Variants in ATXN2 observed in about 807,000 individuals in gnomAD.
ATXN2 encodes the protein ataxin-2.
In ATXN2, 37 loss-of-function variants were observed where a neutral mutation model predicts 138.6. The ratio of observed to expected loss-of-function variants is 0.27; its 90% CI spans 0.21 to 0.35. The LOEUF is 0.35. Ranked by LOEUF, ATXN2 falls within the 10% of genes least tolerant of loss-of-function variation. The probability of loss-of-function intolerance (pLI) is 1.00; values close to 1 mark genes in which losing one functional copy is unlikely to be tolerated. For missense variants in ATXN2, 1,216 were observed against 1,480.3 expected, an observed-to-expected ratio of 0.82 and a Z score of 2.93; for synonymous variants, 549 against 543.7, an observed-to-expected ratio of 1.01 and a Z score of -0.13.
At chr12:111,494,302 G>T (rs972573968) in intron 14 of ATXN2, among the ~76,000 whole-genome samples, 18 of 152,160 alleles carry the variant, frequency 1.2e-4, no homozygotes, top group African/African-American at 3.9e-4. Flanking sequence ...AAAGCGGGCA[G>T]ATGAAGTGTA....
At chr12:111,505,032 T>C (rs1412977470) in intron 14 of ATXN2, among the ~76,000 whole-genome samples, 1 of 152,142 alleles carries the variant, frequency 6.6e-6, no homozygotes, top group East Asian at 1.9e-4. Context: ...GAGACCAGCC[T>C]GGGCAACATG....
At chr12:111,519,678 C>T (rs1880049590) in intron 8 of ATXN2, among the ~76,000 whole-genome samples, 2 of 152,180 alleles carry the variant, frequency 1.3e-5, no homozygotes, top group Non-Finnish European at 2.9e-5. Context: ...TATACCAACA[C>T]TTGGCTCCAC....
At chr12:111,567,261 C>A (rs1038238751) in intron 1 of ATXN2, among the ~76,000 whole-genome samples, 10 of 151,698 alleles carry the variant, frequency 6.6e-5, no homozygotes, top group African/African-American at 1.7e-4. Flanking sequence ...CAGCACTTTG[C>A]GAAGTTGAGG....
At chr12:111,594,858 A>C (rs935157263) in intron 1 of ATXN2, among the ~76,000 whole-genome samples, 18 of 152,198 alleles carry the variant, frequency 1.2e-4, no homozygotes, top group African/African-American at 4.3e-4. Flanking sequence ...CAGGAATTTC[A>C]TTCCTGCACT....
At chr12:111,489,498 T>A (rs1439430925) in intron 14 of ATXN2, among the ~76,000 whole-genome samples, 2 of 151,614 alleles carry the variant, frequency 1.3e-5, no homozygotes, top group African/African-American at 4.8e-5. Context: ...CTATAGTCCC[T>A]GCTACTCGGG....
At chr12:111,541,230 T>A (rs1881482132) in intron 5 of ATXN2, among the ~76,000 whole-genome samples, 1 of 150,218 alleles carries the variant, frequency 6.7e-6, no homozygotes, top group South Asian at 2.1e-4. Context: ...CCAGAATCAT[T>A]TACTGAATAA....
rs1874749291 is a variant in ATXN2 at position 111,452,743 on chromosome 12, G to A, written c.*69C>T. On this transcript the variant is annotated 3_prime_UTR_variant, in exon 25 of 25. Transcript: ENST00000673436. ...AAAATAAATGAAATTCTAGTTTTCT[G>A]TGCTTCCAGTTGGTAGAAGCAGTAG... The A allele has an allele frequency of 1.4e-6, 2 of 1,454,476 alleles. No homozygotes were observed. Among genetic ancestry groups the A allele is most frequent in the Non-Finnish European group, 1.9e-6 (2 of 1,035,662 alleles). 90.1% of individuals were successfully genotyped at this position (1,454,476 alleles called of 1,614,324 possible).
chr12:111,596,990 C>T (rs949130905), intron 1 of ATXN2, among the ~76,000 whole-genome samples: 1 of 152,118 alleles, frequency 6.6e-6, no homozygotes, highest in African/African-American at 2.4e-5. Flanking sequence ...AAAGTAAAAA[C>T]AGAATACATC....
intron 5 of ATXN2, among the ~76,000 whole-genome samples, chr12:111,535,211 G>A (rs1316746386): frequency 1.3e-5 from 2 of 152,192 alleles, no homozygotes; most frequent in Non-Finnish European, 2.9e-5. Context: ...AAACCACAAT[G>A]AGCAGGGAAG....
chr12:111,554,230 A>G lies in ATXN2; in HGVS notation c.289-13T>C. 1 of 1,368,136 alleles carries G rather than the reference A, an allele frequency of 7.3e-7. No homozygotes were observed. The highest frequency in any genetic ancestry group is 9.7e-7 in the Non-Finnish European group (1 of 1,028,948). 84.7% of individuals were successfully genotyped at this position (1,368,136 alleles called of 1,614,324 possible). A position where few individuals can be genotyped will look rare whatever the true frequency, so the allele number is the denominator to read the frequency against. On this transcript the variant is annotated splice_polypyrimidine_tract_variant and intron_variant, in intron 2 of 24. Coordinates refer to ENST00000673436, the MANE Select transcript of ATXN2 (RefSeq NM_001372574.1). ...CATCAAAAGAAATCTGGAATATTAA[A>G]AAAAAAAAAAACTATTAGAAATTAG...
chr12:111,581,437 T>C (rs1422603093), intron 1 of ATXN2: 11 of 781,314 alleles, frequency 1.4e-5, no homozygotes, highest in Non-Finnish European at 6.9e-6. Context: ...CCCCTAACTA[T>C]GAGATGCTCA....
intron 1 of ATXN2, among the ~76,000 whole-genome samples, chr12:111,573,022 T>A (rs1392714315): frequency 2.0e-5 from 3 of 151,954 alleles, no homozygotes; most frequent in African/African-American, 7.3e-5. Flanking sequence ...TCATTTATGA[T>A]GTTGTTTCCA....
chr12:111,512,720 T>G (rs1161793786), intron 11 of ATXN2: 1 of 152,300 alleles, frequency 6.6e-6, no homozygotes, highest in Non-Finnish European at 1.5e-5. Context: ...CCTCCCAAAG[T>G]GCTGGGATTA....
Position 111,552,998 on chromosome 12 carries a change from T to C in ATXN2, c.349-21A>G, listed in dbSNP as rs772928717. Reference sequence around the variant, plus strand: ...GAGCCCTAAAAACATATAATTTATTTATCAAAGAAACAGTATACTACCCGG... The same window carrying C: ...GAGCCCTAAAAACATATAATTTATTCATCAAAGAAACAGTATACTACCCGG... On this transcript the variant is annotated intron_variant, in intron 3 of 24. Transcript: ENST00000673436. The surrounding 1 kb of genome is among the most constrained non-coding windows in gnomAD (Gnocchi z 4.1). The C allele has an allele frequency of 6.7e-7, 1 of 1,490,026 alleles. No individual in the cohort carries two copies. The highest frequency in any genetic ancestry group is 2.3e-5 in the Admixed American group (1 of 43,050). The allele number at this position is 1,490,026 out of a possible 1,614,324, so 92.3% of individuals were successfully genotyped here.
At chr12:111,533,849 ATGGT>A (rs1242566522) in intron 5 of ATXN2, among the ~76,000 whole-genome samples, 4 of 152,100 alleles carry the variant, frequency 2.6e-5, no homozygotes, top group African/African-American at 7.2e-5. Context: ...TTTTGGATCC[ATGGT>A]TGGTTGAATT....
chr12:111,462,951 T>G (rs1197804121), intron 21 of ATXN2, among the ~76,000 whole-genome samples: 3 of 142,682 alleles, frequency 2.1e-5, no homozygotes, highest in African/African-American at 8.9e-5. Context: ...ATAAATTATA[T>G]ATACACACAT....
chr12:111,571,011 A>C (rs1048956975), intron 1 of ATXN2, among the ~76,000 whole-genome samples: 2 of 152,242 alleles, frequency 1.3e-5, no homozygotes, highest in African/African-American at 2.4e-5. Context: ...GTTACTGAGC[A>C]CTTATTACTT....
intron 1 of ATXN2, among the ~76,000 whole-genome samples, chr12:111,595,048 T>C (rs1468696074): frequency 6.6e-6 from 1 of 152,158 alleles, no homozygotes; most frequent in Non-Finnish European, 1.5e-5. Flanking sequence ...CACTTGACAG[T>C]AAAAATGCAA....
At chr12:111,585,029 A>G (rs1415137002) in intron 1 of ATXN2, among the ~76,000 whole-genome samples, 1 of 152,178 alleles carries the variant, frequency 6.6e-6, no homozygotes, top group African/African-American at 2.4e-5. Flanking sequence ...TGCTTGTCAT[A>G]ATCCACTAAT....
Sources: allele counts gnomAD v4.1 joint callset (sites outside exome capture counted in the v4.1 genomes callset), GRCh38; gene constraint gnomAD v4.1.1; non-coding constraint Gnocchi (gnomAD v3.1); transcripts MANE v1.5; gene names NCBI Gene and HGNC (gene_info 2026-07-23, HGNC 2026-07-21).